The following DCC variants were observed in gnomAD, a reference collection of about 807,000 sequenced individuals.
The protein encoded by DCC is DCC netrin 1 receptor, also known as netrin receptor DCC.
A neutral mutation model predicts 172.5 loss-of-function variants in DCC; 58 were observed. The ratio of observed to expected loss-of-function variants is 0.34; its 90% CI spans 0.27 to 0.42. The LOEUF is 0.42. DCC is among the 10% of genes least tolerant of loss of function. The pLI is 1.00. For synonymous variants in DCC, 709 were observed against 644.5 expected (o/e 1.10, Z -1.52); for missense variants, 1,740 against 1,791.0 (o/e 0.97, Z 0.51).
At chr18:53,348,052 A>T (rs942450025) in intron 15 of DCC, among the ~76,000 whole-genome samples, 1 of 152,042 alleles carries the variant, frequency 6.6e-6, no homozygotes, top group South Asian at 2.1e-4. Context: ...AAAACCAAAC[A>T]TGCCTTCCCA....
intron 5 of DCC, among the ~76,000 whole-genome samples, chr18:53,015,722 G>A (rs1011526937): frequency 8.6e-5 from 13 of 151,976 alleles, no homozygotes; most frequent in Non-Finnish European, 1.8e-4. Flanking sequence ...TTTACCATAT[G>A]ATGAACAAAA....
chr18:53,504,562 A>ACAGAATT lies in DCC; in HGVS notation c.4111+5053_4111+5059dup, dbSNP rs1042741481. On this transcript the variant is annotated intron_variant, in intron 27 of 28. Transcript: ENST00000442544. ...TGAAATTTTCCTGTCCTCACTCCTA[A>ACAGAATT]CAGAATTAGGATGATTCGATTTGGT... 9.2e-5 allele frequency among the ~76,000 whole-genome samples: 14 copies of ACAGAATT among 152,280 alleles called. No homozygotes were observed. The East Asian group carries it at 2.7e-3, about 29-fold the overall frequency.
intron 2 of DCC, among the ~76,000 whole-genome samples, chr18:52,787,131 G>A (rs2037674609): frequency 6.6e-6 from 1 of 151,928 alleles, no homozygotes; most frequent in Non-Finnish European, 1.5e-5. Flanking sequence ...ACAAAACAAG[G>A]ATCAGAAATA....
intron 1 of DCC, among the ~76,000 whole-genome samples, chr18:52,692,827 T>G (rs2035949997): frequency 6.6e-6 from 1 of 152,098 alleles, no homozygotes; most frequent in South Asian, 2.1e-4. Context: ...TGAGAAAATA[T>G]TCATGTGAGG....
intron 27 of DCC, among the ~76,000 whole-genome samples, chr18:53,518,265 G>T (rs1329119309): frequency 6.6e-6 from 1 of 152,088 alleles, no homozygotes; most frequent in East Asian, 1.9e-4. Flanking sequence ...TAAGGGTAAA[G>T]GAATGGAAAA....
chr18:53,310,273 T>C (rs149945556), intron 13 of DCC, among the ~76,000 whole-genome samples: 189 of 152,274 alleles, frequency 1.2e-3, no homozygotes, highest in Non-Finnish European at 2.3e-3. Context: ...GTAATTGATT[T>C]TCCATATAAA....
chr18:53,476,279 GT>G (rs550688490), intron 25 of DCC, among the ~76,000 whole-genome samples: 322 of 152,256 alleles, frequency 2.1e-3, no homozygotes, highest in African/African-American at 7.5e-3. Context: ...GGCATGATTA[GT>G]TTTTAAATGT....
intron 1 of DCC, among the ~76,000 whole-genome samples, chr18:52,530,380 A>G (rs934062706): frequency 1.3e-5 from 2 of 152,222 alleles, no homozygotes; most frequent in African/African-American, 4.8e-5. Context: ...TGAGCTTTTG[A>G]GTGGGTCTGT....
intron 1 of DCC, among the ~76,000 whole-genome samples, chr18:52,609,095 AAATATAAAGGTGTGC>A (rs1338999003): frequency 3.3e-5 from 5 of 152,178 alleles, no homozygotes; most frequent in Non-Finnish European, 5.9e-5. Flanking sequence ...AAATGTAAAT[AAATATAAAGGTGTGC>A]TTTTCTATTT....
intron 27 of DCC, 37 bp downstream of exon 27, chr18:53,499,547 T>TATTA: frequency 6.5e-7 from 1 of 1,532,000 alleles, no homozygotes; most frequent in South Asian, 1.1e-5. Flanking sequence ...AAATTCTTAT[T>TATTA]ATTATTGGTG....
intron 25 of DCC, among the ~76,000 whole-genome samples, chr18:53,473,414 C>T (rs1280315128): frequency 6.6e-6 from 1 of 152,174 alleles, no homozygotes; most frequent in Non-Finnish European, 1.5e-5. Context: ...GTTTGTAACA[C>T]ATCAATGTTT....
At chr18:52,817,091 C>T (rs891055306) in intron 2 of DCC, among the ~76,000 whole-genome samples, 1 of 151,926 alleles carries the variant, frequency 6.6e-6, no homozygotes, top group South Asian at 2.1e-4. Context: ...ATCCCTTGAT[C>T]CAAATTATTT....
At chr18:53,128,664 GA>G (rs2043600199) in intron 7 of DCC, among the ~76,000 whole-genome samples, 1 of 151,700 alleles carries the variant, frequency 6.6e-6, no homozygotes, top group South Asian at 2.1e-4. Flanking sequence ...CATATTTTTA[GA>G]ATCCTATTCA....
At chr18:53,108,017 A>G (rs377574103) in intron 7 of DCC, among the ~76,000 whole-genome samples, 1 of 151,896 alleles carries the variant, frequency 6.6e-6, no homozygotes, top group African/African-American at 2.4e-5. Flanking sequence ...TCCGAGAAAA[A>G]TAAATTAACT....
At position 52,708,242 on chromosome 18, in the gene DCC, C is replaced by T. The variant is rs1484281595; in HGVS notation, c.92-43812C>T. ...GGATCACGAGGTCAGGAGATTGAGACCATCCTGGCTAACACAGTGAAACCC... is the reference window on the plus strand; with the variant it reads ...GGATCACGAGGTCAGGAGATTGAGATCATCCTGGCTAACACAGTGAAACCC... On this transcript the variant is annotated intron_variant, in intron 1 of 28. Transcript: ENST00000442544. 4.6e-5 allele frequency among the ~76,000 whole-genome samples: 7 copies of T among 151,992 alleles called. No individual in the cohort carries two copies. In the South Asian group the frequency reaches 1.4e-3, roughly 31 times the overall value.
At chr18:52,568,471 G>A (rs557234115) in intron 1 of DCC, among the ~76,000 whole-genome samples, 7 of 152,262 alleles carry the variant, frequency 4.6e-5, no homozygotes, top group African/African-American at 1.7e-4. Flanking sequence ...TTACAGAGTT[G>A]TTAAATGAGC....
intron 5 of DCC, among the ~76,000 whole-genome samples, chr18:52,973,771 G>A (rs2041067872): frequency 6.6e-6 from 1 of 152,210 alleles, no homozygotes; most frequent in African/African-American, 2.4e-5. Flanking sequence ...GAATAGAGAA[G>A]AGGATGCTAG....
intron 1 of DCC, among the ~76,000 whole-genome samples, chr18:52,457,481 C>T (rs902683781): frequency 6.6e-6 from 1 of 152,110 alleles, no homozygotes; most frequent in East Asian, 1.9e-4. Context: ...GGAAGACACA[C>T]AGTTTTAAAT....
At chr18:53,049,510 T>C (rs1384073740) in intron 5 of DCC, among the ~76,000 whole-genome samples, 1 of 151,994 alleles carries the variant, frequency 6.6e-6, no homozygotes, top group Admixed American at 6.6e-5. Flanking sequence ...GCAGCATTAT[T>C]TCTGGGCTCT....
Sources: allele counts gnomAD v4.1 joint callset (sites outside exome capture counted in the v4.1 genomes callset), GRCh38; gene constraint gnomAD v4.1.1; transcripts MANE v1.5; gene names NCBI Gene and HGNC (gene_info 2026-07-23, HGNC 2026-07-21).